Variants in GRIK3 observed in about 807,000 individuals in gnomAD.
The protein encoded by GRIK3 is glutamate receptor ionotropic, kainate 3.
A neutral mutation model predicts 102.5 loss-of-function variants in GRIK3; 29 were observed. That is an observed-to-expected ratio of 0.28 (90% confidence interval 0.21 to 0.39). The LOEUF (loss-of-function observed/expected upper bound fraction) is 0.39, where lower values mean the gene tolerates loss of function less well. GRIK3 is among the 10% of genes least tolerant of loss of function. The pLI is 1.00. For synonymous variants in GRIK3, 511 were observed against 504.9 expected (o/e 1.01, Z -0.16); for missense variants, 908 against 1,252.4 (o/e 0.73, Z 4.15).
intron 10 of GRIK3, among the ~76,000 whole-genome samples, chr1:36,841,041 C>T (rs1202438725): frequency 6.6e-6 from 1 of 152,142 alleles, no homozygotes; most frequent in South Asian, 2.1e-4. Flanking sequence ...GAGGAAGAAC[C>T]GGGACTCGAG....
In GRIK3 at chr1:36,939,060, C is replaced by T. The variant is rs976744574; in HGVS notation, c.116-47964G>A. On this transcript the variant is annotated intron_variant, in intron 1 of 15. Transcript: ENST00000373091. ...TGTCCCTAAGGCTAAGCCAACACTG[C>T]CCTTCCCGCATTTGGCTGTATGAGT... 2.0e-5 allele frequency among the ~76,000 whole-genome samples: 3 copies of T among 152,300 alleles called. No homozygotes were observed. The South Asian group carries it at 6.2e-4, about 32-fold the overall frequency.
intron 1 of GRIK3, among the ~76,000 whole-genome samples, chr1:37,016,720 G>C (rs758015754): frequency 1.3e-5 from 2 of 152,188 alleles, no homozygotes; most frequent in Non-Finnish European, 2.9e-5. Context: ...AGGCATATGT[G>C]AATGTGGGAA....
intron 1 of GRIK3, among the ~76,000 whole-genome samples, chr1:36,934,525 A>G (rs1455353227): frequency 6.6e-6 from 1 of 152,042 alleles, no homozygotes; most frequent in Non-Finnish European, 1.5e-5. Context: ...GCCAACTCTT[A>G]TCTCTCAGGT....
At chr1:36,802,156 G>T in intron 15 of GRIK3, 111 bp from the exon 16 acceptor site, 1 of 721,238 alleles carries the variant, frequency 1.4e-6, no homozygotes, top group South Asian at 2.0e-5. Context: ...AAGGTTACCC[G>T]TCTTTCTCAC....
chr1:36,848,140 C>G (rs909709123), intron 9 of GRIK3, among the ~76,000 whole-genome samples: 1 of 152,202 alleles, frequency 6.6e-6, no homozygotes, highest in Non-Finnish European at 1.5e-5. Flanking sequence ...GCAAAAATCC[C>G]CTGTGCCCCT....
chr1:36,866,033 C>T (rs1408692724), intron 5 of GRIK3, among the ~76,000 whole-genome samples: 1 of 152,178 alleles, frequency 6.6e-6, no homozygotes, highest in Non-Finnish European at 1.5e-5. Context: ...ACAGGCCTGC[C>T]CGACTATGCC....
intron 13 of GRIK3, among the ~76,000 whole-genome samples, chr1:36,807,578 T>C (rs960797852): frequency 1.3e-5 from 2 of 152,088 alleles, no homozygotes; most frequent in Non-Finnish European, 2.9e-5. Flanking sequence ...GAAGAAGCCA[T>C]GCCTGCTGGG....
At chr1:36,974,143 C>T (rs1642171978) in intron 1 of GRIK3, among the ~76,000 whole-genome samples, 1 of 152,182 alleles carries the variant, frequency 6.6e-6, no homozygotes, top group African/African-American at 2.4e-5. Flanking sequence ...TCAGTTTCTC[C>T]ACACCTGCAC....
intron 4 of GRIK3, among the ~76,000 whole-genome samples, chr1:36,871,880 C>T (rs1640847445): frequency 6.6e-6 from 1 of 152,218 alleles, no homozygotes; most frequent in South Asian, 2.1e-4. Context: ...CCGGCAGCCT[C>T]TGCCTCCAAC....
chr1:37,030,371 G>A (rs1238603367), intron 1 of GRIK3, among the ~76,000 whole-genome samples: 1 of 152,286 alleles, frequency 6.6e-6, no homozygotes, highest in Admixed American at 6.5e-5. Flanking sequence ...TTACAGATGA[G>A]GCCGGTTTGG....
rs1640565839 is a variant in GRIK3, at chr1:36,850,241, C to T, written c.1326+70G>A. ...TTCTGGGTGGGGGGGATAGAGGGGA[C>T]TCTCCAGCCCGAACGGCCACCCCAC... On this transcript the variant is annotated intron_variant, in intron 9 of 15. Transcript: ENST00000373091. This position sits in a 1 kb window ranked among gnomAD's most constrained non-coding sequence, Gnocchi z 4.0. 1 of 934,396 alleles carries T rather than the reference C, an allele frequency of 1.1e-6. No homozygotes were observed. Among genetic ancestry groups the T allele is most frequent in the Non-Finnish European group, 1.8e-6 (1 of 564,152 alleles). 57.9% of individuals were successfully genotyped at this position (934,396 alleles called of 1,614,324 possible).
At chr1:36,809,140 A>G (rs1642531332) in intron 13 of GRIK3, among the ~76,000 whole-genome samples, 1 of 151,186 alleles carries the variant, frequency 6.6e-6, no homozygotes, top group Non-Finnish European at 1.5e-5. Context: ...TATCCTTCCA[A>G]TTACCCATCA....
At chr1:36,877,138 C>T (rs1242053257) in intron 3 of GRIK3, among the ~76,000 whole-genome samples, 1 of 152,100 alleles carries the variant, frequency 6.6e-6, no homozygotes, top group Non-Finnish European at 1.5e-5. Context: ...AGCTGCAGAC[C>T]TGAGCATCAG....
At chr1:36,870,847 G>A (rs546847955) in intron 4 of GRIK3, among the ~76,000 whole-genome samples, 3 of 151,898 alleles carry the variant, frequency 2.0e-5, no homozygotes, top group African/African-American at 4.8e-5. Flanking sequence ...ACATGGACCC[G>A]GCAGAGGGCA....
chr1:36,926,501 CTG>C (rs1293168163), intron 1 of GRIK3, among the ~76,000 whole-genome samples: 1 of 151,960 alleles, frequency 6.6e-6, no homozygotes, highest in Non-Finnish European at 1.5e-5. Context: ...AGCGATTCTT[CTG>C]CCTCAGCCTC....
At chr1:36,881,918 T>A (rs976459109) in intron 2 of GRIK3, among the ~76,000 whole-genome samples, 3 of 152,172 alleles carry the variant, frequency 2.0e-5, no homozygotes, top group Non-Finnish European at 2.9e-5. Context: ...TCCTTGAACA[T>A]GCTAAGTGCA....
At chr1:36,981,078 T>G (rs1377838005) in intron 1 of GRIK3, among the ~76,000 whole-genome samples, 4 of 152,220 alleles carry the variant, frequency 2.6e-5, no homozygotes, top group Admixed American at 2.6e-4. Context: ...TTACAACACA[T>G]TAAACAGATG....
chr1:37,005,267 C>T (rs1360184205), intron 1 of GRIK3, among the ~76,000 whole-genome samples: 1 of 152,214 alleles, frequency 6.6e-6, no homozygotes, highest in Non-Finnish European at 1.5e-5. Flanking sequence ...AGGCCCCATA[C>T]CTTACCTGTG....
At position 36,850,440 on chromosome 1, in the gene GRIK3, CAG is replaced by C. The variant is rs768471444; in HGVS notation, c.1213-18_1213-17del. ...ACACCCCAACCTGGATGGACACAGA[CAG>C]AAAACAGGGTGCCGAGTCCTTGGTC... is the stretch of plus-strand genomic sequence containing the variant. On this transcript the variant is annotated splice_polypyrimidine_tract_variant and intron_variant, in intron 8 of 15. Transcript: ENST00000373091. This position sits in a 1 kb window ranked among gnomAD's most constrained non-coding sequence, Gnocchi z 4.0. 6 of 1,516,528 alleles carry C rather than the reference CAG, an allele frequency of 4.0e-6. No homozygotes were observed. Among genetic ancestry groups the C allele is most frequent in the Non-Finnish European group, 5.5e-6 (6 of 1,091,118 alleles). The allele number at this position is 1,516,528 out of a possible 1,614,324, so 93.9% of individuals were successfully genotyped here. A position where few individuals can be genotyped will look rare whatever the true frequency, so the allele number is the denominator to read the frequency against.
Sources: allele counts gnomAD v4.1 joint callset (sites outside exome capture counted in the v4.1 genomes callset), GRCh38; gene constraint gnomAD v4.1.1; non-coding constraint Gnocchi (gnomAD v3.1); transcripts MANE v1.5; gene names NCBI Gene and HGNC (gene_info 2026-07-23, HGNC 2026-07-21).